The following TUBGCP2 variants were observed in gnomAD, a reference collection of about 807,000 sequenced individuals.
The protein encoded by TUBGCP2 is tubulin gamma complex component 2.
TUBGCP2 carries 55 observed loss-of-function variants against 92.2 expected under a neutral mutation model. The observed-to-expected ratio is 0.60, with a 90% CI of 0.48 to 0.75. The LOEUF is 0.75. Among genes scored for constraint, TUBGCP2 ranks in the 30% least tolerant of loss-of-function variants. The pLI, the probability that TUBGCP2 is intolerant of heterozygous loss-of-function variation, is 0.00. For missense variants in TUBGCP2, 1,093 were observed against 1,188.9 expected (o/e 0.92, Z 1.19); for synonymous variants, 533 against 505.2 (o/e 1.06, Z -0.74).
intron 1 of TUBGCP2, among the ~76,000 whole-genome samples, chr10:133,308,281 G>C (rs569363161): frequency 6.6e-6 from 1 of 152,306 alleles, no homozygotes; most frequent in African/African-American, 2.4e-5. Flanking sequence ...CACACGCCCT[G>C]AGCACCTAGC....
chr10:133,305,445 G>A (rs530485497), intron 1 of TUBGCP2, among the ~76,000 whole-genome samples: 44 of 152,044 alleles, frequency 2.9e-4, no homozygotes, highest in Middle Eastern at 6.8e-3. Flanking sequence ...CCAGGCATTC[G>A]GGGCCACTAC....
chr10:133,290,962 A>G (rs1847271637), intron 8 of TUBGCP2: 1 of 159,498 alleles, frequency 6.3e-6, no homozygotes, highest in South Asian at 2.0e-4. Flanking sequence ...ACATAATACA[A>G]TTCTTTGGGA....
upstream of TUBGCP2, chr10:133,309,776 G>A (rs1847945313): frequency 6.2e-7 from 1 of 1,612,484 alleles, no homozygotes; most frequent in South Asian, 1.1e-5. Flanking sequence ...TCCTTGGCAG[G>A]GTGCCCGCGT....
Position 133,283,975 on chromosome 10 carries a change from C to T in TUBGCP2, c.2052G>A (p.Gln684=). The T allele has an allele frequency of 6.2e-7, 1 of 1,614,086 alleles. No individual in the cohort carries two copies. Among genetic ancestry groups the T allele is most frequent in the South Asian group, 1.1e-5 (1 of 91,080 alleles). ...QWFAGAFTLR[Q]RMLNFVQNIQ... ...TATTCTGGACGAAGTTGAGCATTCG[C>T]TGCCGCAGAGTGAAAGCCCCAGCAA... is the stretch of plus-strand genomic sequence containing the variant. The change falls in exon 14 of 18, where the codon CAG becomes CAA. Residue 684 remains glutamine (Q), a synonymous_variant. Transcript: ENST00000252936.
intron 8 of TUBGCP2, among the ~76,000 whole-genome samples, chr10:133,291,265 TCC>T (rs1186166391): frequency 2.1e-5 from 1 of 47,118 alleles, no homozygotes; most frequent in Non-Finnish European, 3.4e-5. Flanking sequence ...TCCCTCCGTG[TCC>T]CCCATGTCCC....
Position 133,298,108 on chromosome 10 carries a change from G to C in TUBGCP2, c.460C>G (p.Leu154Val). The change falls in exon 5 of 18, where the codon CTG becomes GTG. Residue 154 changes from leucine (L) to valine (V), a missense_variant. Transcript: ENST00000252936. Reference protein sequence around the residue: ...VATGSTLQQSLELKRKMLRDK... With the variant: ...VATGSTLQQSVELKRKMLRDK... ...CGAAGCATCTTTCTTTTAAGTTCCA[G>C]AGACTAGCAAGGACATTTTAAAAAA... 6.2e-7 allele frequency: 1 copy of C among 1,613,668 alleles called. No individual in the cohort carries two copies. The highest frequency in any genetic ancestry group is 8.5e-7 in the Non-Finnish European group (1 of 1,179,870).
intron 1 of TUBGCP2, among the ~76,000 whole-genome samples, chr10:133,305,100 C>A (rs535749510): frequency 6.6e-6 from 1 of 152,264 alleles, no homozygotes; most frequent in African/African-American, 2.4e-5. Context: ...CAGGCCCGCC[C>A]GCAGTTATCC....
upstream of TUBGCP2, chr10:133,311,956 G>A (rs1451952860): frequency 1.2e-6 from 2 of 1,611,872 alleles, no homozygotes; most frequent in East Asian, 2.2e-5. Flanking sequence ...GGTAACGCTG[G>A]GTAAGAAAAT....
At chr10:133,308,958 C>T, upstream of TUBGCP2, 3 of 1,238,594 alleles carry the variant, frequency 2.4e-6, no homozygotes, top group Non-Finnish European at 3.0e-6. Context: ...AGTTGCCCCC[C>T]GCGCTGTGCG....
chr10:133,298,283 C>T (rs1295613383), intron 4 of TUBGCP2, among the ~76,000 whole-genome samples, 172 bp from the exon 5 acceptor site: 3 of 152,236 alleles, frequency 2.0e-5, no homozygotes, highest in Non-Finnish European at 4.4e-5. Context: ...CTGCCTGCCA[C>T]AACGTGAGGG....
At chr10:133,309,230 G>C, upstream of TUBGCP2, 1 of 964,026 alleles carries the variant, frequency 1.0e-6, no homozygotes, top group Non-Finnish European at 1.4e-6. Context: ...GGCGGGACCT[G>C]AGGTGGTGGG....
At chr10:133,311,917 C>G (rs768917726), upstream of TUBGCP2, 3 of 1,613,150 alleles carry the variant, frequency 1.9e-6, no homozygotes, top group East Asian at 4.5e-5. Flanking sequence ...GCACCTGGGC[C>G]GCAGCTCTTC....
chr10:133,309,337 G>T (rs1847929096), upstream of TUBGCP2: 1 of 1,579,816 alleles, frequency 6.3e-7, no homozygotes, highest in Non-Finnish European at 8.6e-7. Flanking sequence ...GGCCTGACGC[G>T]GTGGGCGTGC....
At chr10:133,287,741 CAAAA>C (rs755545622) in intron 11 of TUBGCP2, among the ~76,000 whole-genome samples, 1 of 127,732 alleles carries the variant, frequency 7.8e-6, no homozygotes, top group African/African-American at 2.9e-5. Flanking sequence ...AACTCCGTCT[CAAAA>C]AAAAAAACAA....
Position 133,305,021 on chromosome 10 carries a change from T to C in TUBGCP2, c.-39-2041A>G, listed in dbSNP as rs571004752. Among the ~76,000 whole-genome samples the C allele has an allele frequency of 4.0e-5, 6 of 151,342 alleles. No homozygotes were observed. The East Asian group carries it at 1.2e-3, about 29-fold the overall frequency. ...CTACTTAGCAGACCGGGAAAGGGAG[T>C]CTCCCTTTCCCCGGAGAGTTTAGAG... On this transcript the variant is annotated intron_variant, in intron 1 of 17. Transcript: ENST00000252936.
chr10:133,311,224 T>G (rs929733990), upstream of TUBGCP2, among the ~76,000 whole-genome samples: 1 of 152,254 alleles, frequency 6.6e-6, no homozygotes, highest in African/African-American at 2.4e-5. Flanking sequence ...AGTAGTAATT[T>G]GCTCTTTAAA....
At chr10:133,286,482 G>A (rs1328272021) in intron 11 of TUBGCP2, among the ~76,000 whole-genome samples, 5 of 152,158 alleles carry the variant, frequency 3.3e-5, no homozygotes, top group Non-Finnish European at 5.9e-5. Context: ...TTCTAACCAC[G>A]GAGAGAACCG....
chr10:133,309,349 G>C (rs200301443), upstream of TUBGCP2: 1 of 1,593,574 alleles, frequency 6.3e-7, no homozygotes, highest in Admixed American at 1.7e-5. Flanking sequence ...TGGGCGTGCC[G>C]CGAGTCACCT....
upstream of TUBGCP2, chr10:133,309,299 G>A (rs904947123): frequency 1.2e-5 from 18 of 1,481,044 alleles, no homozygotes; most frequent in African/African-American, 1.7e-4. Flanking sequence ...CCGGAGCGCG[G>A]GATGACTGGG....
Sources: allele counts gnomAD v4.1 joint callset (sites outside exome capture counted in the v4.1 genomes callset), GRCh38; gene constraint gnomAD v4.1.1; transcripts MANE v1.5; gene names NCBI Gene and HGNC (gene_info 2026-07-23, HGNC 2026-07-21).